Variants in RREB1 observed in about 807,000 individuals in gnomAD.
RREB1 encodes ras responsive element binding protein 1.
RREB1 carries 27 observed loss-of-function variants against 117.8 expected under a neutral mutation model. The ratio of observed to expected loss-of-function variants is 0.23; its 90% CI spans 0.17 to 0.32. The LOEUF (loss-of-function observed/expected upper bound fraction) is 0.32. RREB1 is among the 10% of genes least tolerant of loss of function. The probability of loss-of-function intolerance (pLI) is 1.00; values close to 1 mark genes in which losing one functional copy is unlikely to be tolerated. For missense variants in RREB1, 2,577 were observed against 2,378.2 expected (o/e 1.08, Z -1.74); for synonymous variants, 1,298 against 1,026.7 (o/e 1.26, Z -5.05).
chr6:7,236,723 T>A (rs1303123424), intron 10 of RREB1, among the ~76,000 whole-genome samples: 1 of 151,548 alleles, frequency 6.6e-6, no homozygotes, highest in Non-Finnish European at 1.5e-5. Context: ...ACAGAAATGT[T>A]TTCAGTTCTG....
At chr6:7,242,776 T>C (rs1002468290) in intron 11 of RREB1, among the ~76,000 whole-genome samples, 29 of 151,970 alleles carry the variant, frequency 1.9e-4, no homozygotes, top group African/African-American at 6.8e-4. Flanking sequence ...GGCATTTTCT[T>C]AAAATTCCTA....
At chr6:7,165,199 A>G (rs1203496291) in intron 1 of RREB1, among the ~76,000 whole-genome samples, 1 of 152,168 alleles carries the variant, frequency 6.6e-6, no homozygotes, top group Non-Finnish European at 1.5e-5. Context: ...GGAGGCAAAT[A>G]TTTTAAACAA....
At chr6:7,228,848 T>G (rs149563781) in intron 9 of RREB1, 149 bp from the exon 10 acceptor site, 36 of 666,578 alleles carry the variant, frequency 5.4e-5, no homozygotes, top group Admixed American at 7.9e-5. Flanking sequence ...GATCTTGCTA[T>G]ATTGCCCAGG....
At chr6:7,117,415 T>C (rs1455952220) in intron 1 of RREB1, among the ~76,000 whole-genome samples, 4 of 54,748 alleles carry the variant, frequency 7.3e-5, no homozygotes, top group Non-Finnish European at 1.6e-4. Flanking sequence ...TTTTTTTTTT[T>C]TTTTTTTTTT....
rs961946146 is a variant in RREB1, at chr6:7,230,832, A to G, written c.2733A>G (p.Gln911=). ...CGCAGAAGGGCCTGGCCCTGGTCCAAGTGAAGCAGGAAAACATCTCCTTTC... is the reference window on the plus strand; with the variant it reads ...CGCAGAAGGGCCTGGCCCTGGTCCAGGTGAAGCAGGAAAACATCTCCTTTC... The part of the protein sequence containing the change: ...DFSQKGLALV[Q]VKQENISFLS... The change falls in exon 10 of 13, where the codon CAA becomes CAG. Residue 911 remains glutamine, a synonymous_variant. Coordinates refer to ENST00000379938, the MANE Select transcript of RREB1 (RefSeq NM_001003699.4). 1.9e-6 allele frequency: 3 copies of G among 1,614,138 alleles called. No homozygotes were observed. Among genetic ancestry groups the G allele is most frequent in the African/African-American group, 2.7e-5 (2 of 74,954 alleles).
chr6:7,210,987 G>A (rs752559732), intron 7 of RREB1, 39 bp downstream of exon 7: 2 of 1,586,786 alleles, frequency 1.3e-6, no homozygotes, highest in East Asian at 2.2e-5. Flanking sequence ...CTGCTCAGGG[G>A]ACTTCTGTCA....
intron 1 of RREB1, chr6:7,108,648 C>T (rs1007796456): frequency 6.6e-6 from 1 of 152,280 alleles, no homozygotes; most frequent in African/African-American, 2.4e-5. Context: ...TCGAGTCCTT[C>T]TCGGGCCGGG....
intron 1 of RREB1, among the ~76,000 whole-genome samples, chr6:7,121,540 A>G (rs138955681): frequency 4.6e-5 from 7 of 152,260 alleles, no homozygotes; most frequent in East Asian, 1.9e-4. Flanking sequence ...GTGTGAAAAC[A>G]TAGTTCATTC....
Position 7,171,947 on chromosome 6 carries a change from CT to C in RREB1, c.-284-4693del, listed in dbSNP as rs894735058. ...CAGGTTAAAGAGCCTGACCATTAGT[CT>C]TTTTTTTTTTTTTTGGAGATAAAGT... On this transcript the variant is annotated intron_variant, in intron 1 of 12. Transcript: ENST00000379938. Among the ~76,000 whole-genome samples, 570 of 139,080 alleles carry C rather than the reference CT, an allele frequency of 4.1e-3. 1 individual carries two copies. The highest frequency in any genetic ancestry group is 0.014 in the East Asian group (68 of 4,802). 91.2% of individuals were successfully genotyped at this position (139,080 alleles called of 152,430 possible).
chr6:7,209,205 A>G (rs1287526386), intron 6 of RREB1, among the ~76,000 whole-genome samples: 1 of 152,170 alleles, frequency 6.6e-6, no homozygotes, highest in Non-Finnish European at 1.5e-5. Context: ...ACAGTTGTCA[A>G]CCTCTAATTT....
intron 1 of RREB1, among the ~76,000 whole-genome samples, chr6:7,130,189 A>G (rs1334648537): frequency 6.6e-6 from 1 of 152,218 alleles, no homozygotes; most frequent in Non-Finnish European, 1.5e-5. Context: ...TGGATAAATG[A>G]CTTTTACTGA....
chr6:7,189,350 G>T (rs745920136), intron 6 of RREB1, 28 bp downstream of exon 6: 18 of 1,542,754 alleles, frequency 1.2e-5, no homozygotes, highest in African/African-American at 4.1e-5. Flanking sequence ...TTGCTTGGGG[G>T]GTTGGCTGGT....
chr6:7,154,801 A>G (rs1019849761), intron 1 of RREB1, among the ~76,000 whole-genome samples: 24 of 152,168 alleles, frequency 1.6e-4, no homozygotes, highest in African/African-American at 5.8e-4. Flanking sequence ...CCGGGCCTTA[A>G]GGTAGTCTTT....
At chr6:7,167,331 C>A (rs964255833) in intron 1 of RREB1, among the ~76,000 whole-genome samples, 4 of 149,534 alleles carry the variant, frequency 2.7e-5, no homozygotes, top group Admixed American at 2.0e-4. Flanking sequence ...AATTGTCCAA[C>A]TTGTGGGCTG....
Position 7,246,594 on chromosome 6 carries a change from C to T in RREB1, c.4144C>T (p.His1382Tyr), listed in dbSNP as rs138398056. 3.2e-6 allele frequency: 5 copies of T among 1,555,994 alleles called. No individual in the cohort carries two copies. The highest frequency in any genetic ancestry group is 4.3e-6 in the Non-Finnish European group (5 of 1,150,236). Residue 1382 changes from histidine to tyrosine, a missense_variant, in exon 12 of 13, where the codon CAC becomes TAC. Coordinates refer to ENST00000379938, the MANE Select transcript of RREB1 (RefSeq NM_001003699.4). ...ETASPVHREEHGRGESHEPEE... is the reference protein window; with the variant it reads ...ETASPVHREEYGRGESHEPEE... ...GGCCTCGCCGGTGCACCGGGAAGAG[C>T]ACGGGCGTGGGGAGAGCCATGAGCC...
In RREB1 at chr6:7,211,479, T is replaced by C. The variant is rs185223174; in HGVS notation, c.571-94T>C. ...TGGATAATGCAACCCTTGCCTTTTA[T>C]TATTGTAAATCTCTGAATTTAGCAT... is the stretch of plus-strand genomic sequence containing the variant. On this transcript the variant is annotated intron_variant, in intron 7 of 12. Coordinates refer to ENST00000379938, the MANE Select transcript of RREB1 (RefSeq NM_001003699.4). The C allele has an allele frequency of 2.6e-6, 3 of 1,158,398 alleles. No individual in the cohort carries two copies. The African/African-American group carries it at 4.6e-5, about 18-fold the overall frequency. 71.8% of individuals were successfully genotyped at this position (1,158,398 alleles called of 1,614,324 possible). A position where few individuals can be genotyped will look rare whatever the true frequency, so the allele number is the denominator to read the frequency against.
At chr6:7,158,434 C>T (rs953705921) in intron 1 of RREB1, among the ~76,000 whole-genome samples, 3 of 152,134 alleles carry the variant, frequency 2.0e-5, no homozygotes, top group African/African-American at 7.2e-5. Context: ...CCAACCCCAA[C>T]TCTCCCACCT....
At chr6:7,202,070 A>G (rs747824312) in intron 6 of RREB1, among the ~76,000 whole-genome samples, 24 of 152,028 alleles carry the variant, frequency 1.6e-4, no homozygotes, top group Non-Finnish European at 2.4e-4. Flanking sequence ...TCTCTCTCCA[A>G]TCTTGGTTCC....
intron 1 of RREB1, among the ~76,000 whole-genome samples, chr6:7,172,006 C>T (rs976202983): frequency 2.0e-5 from 3 of 150,898 alleles, no homozygotes; most frequent in African/African-American, 2.4e-5. Flanking sequence ...AGTACAGTGA[C>T]GTCATGCTAG....
Sources: allele counts gnomAD v4.1 joint callset (sites outside exome capture counted in the v4.1 genomes callset), GRCh38; gene constraint gnomAD v4.1.1; transcripts MANE v1.5; gene names NCBI Gene and HGNC (gene_info 2026-07-23, HGNC 2026-07-21).